The following CSMD1 variants were observed in gnomAD, a reference collection of about 807,000 sequenced individuals.
The protein encoded by CSMD1 is CUB and Sushi multiple domains 1, also known as CUB and sushi domain-containing protein 1.
Under a neutral mutation model 417.5 loss-of-function variants are expected in CSMD1, and 213 were observed. The ratio of observed to expected loss-of-function variants is 0.51; its 90% CI spans 0.46 to 0.57. CSMD1 has a LOEUF of 0.57. CSMD1 is among the 20% of genes least tolerant of loss of function. The pLI is 0.00. For synonymous variants in CSMD1, 2,862 were observed against 1,736.8 expected, an observed-to-expected ratio of 1.65 and a Z score of -16.11; for missense variants, 6,923 against 4,529.7, an observed-to-expected ratio of 1.53 and a Z score of -15.17.
At chr8:4,384,618 A>G (rs1803325207) in intron 3 of CSMD1, among the ~76,000 whole-genome samples, 1 of 151,182 alleles carries the variant, frequency 6.6e-6, no homozygotes, top group Admixed American at 6.6e-5. Flanking sequence ...ATAAAATAGA[A>G]GATTTTTTTT....
intron 23 of CSMD1, among the ~76,000 whole-genome samples, chr8:3,339,979 T>G (rs989437040): frequency 6.6e-6 from 1 of 152,224 alleles, no homozygotes; most frequent in Admixed American, 6.5e-5. Flanking sequence ...CAGAAAACAG[T>G]ACTTGCTTAA....
intron 18 of CSMD1, among the ~76,000 whole-genome samples, chr8:3,386,504 A>C (rs1306471029): frequency 6.6e-6 from 1 of 152,198 alleles, no homozygotes; most frequent in African/African-American, 2.4e-5. Context: ...CTTTGGTGAC[A>C]AAGGTCAAAG....
At chr8:3,922,751 G>T (rs546261079) in intron 5 of CSMD1, among the ~76,000 whole-genome samples, 1 of 151,964 alleles carries the variant, frequency 6.6e-6, no homozygotes, top group South Asian at 2.1e-4. Flanking sequence ...ACCAATTATT[G>T]TAGGTATGGT....
intron 10 of CSMD1, among the ~76,000 whole-genome samples, chr8:3,527,984 G>T (rs1224278144): frequency 6.6e-6 from 1 of 152,150 alleles, no homozygotes; most frequent in Non-Finnish European, 1.5e-5. Flanking sequence ...CCACACGCCA[G>T]TCGTACTTCT....
At chr8:4,891,279 G>C (rs960602637) in intron 1 of CSMD1, among the ~76,000 whole-genome samples, 3 of 152,076 alleles carry the variant, frequency 2.0e-5, no homozygotes, top group Admixed American at 6.6e-5. Context: ...GGTAAAACAA[G>C]AATACTCTTA....
intron 23 of CSMD1, among the ~76,000 whole-genome samples, chr8:3,315,433 A>AGTGTGT: frequency 2.2e-5 from 1 of 44,858 alleles, no homozygotes; most frequent in East Asian, 3.9e-4. Flanking sequence ...TTCTAGGTGA[A>AGTGTGT]GTGAGTGTGT....
chr8:3,859,487 C>T (rs955083195), intron 5 of CSMD1, among the ~76,000 whole-genome samples: 1 of 152,172 alleles, frequency 6.6e-6, no homozygotes, highest in South Asian at 2.1e-4. Context: ...AGAATCTTTG[C>T]CATACTTATA....
At chr8:4,041,819 AC>A (rs1457530017) in intron 3 of CSMD1, among the ~76,000 whole-genome samples, 11 of 152,206 alleles carry the variant, frequency 7.2e-5, no homozygotes, top group East Asian at 1.9e-4. Context: ...CCACAAAAAA[AC>A]AAAACAAACC....
At chr8:4,635,699 T>C (rs1329982409) in intron 2 of CSMD1, among the ~76,000 whole-genome samples, 1 of 152,126 alleles carries the variant, frequency 6.6e-6, no homozygotes, top group Non-Finnish European at 1.5e-5. Flanking sequence ...TATACCCTAG[T>C]AGCGTTGATA....
At chr8:4,974,569 G>A (rs1584940321) in intron 1 of CSMD1, among the ~76,000 whole-genome samples, 1 of 151,982 alleles carries the variant, frequency 6.6e-6, no homozygotes, top group Admixed American at 6.6e-5. Context: ...AAAAAAGATT[G>A]GAGTCGACGT....
At chr8:4,463,372 C>T (rs1195183580) in intron 2 of CSMD1, among the ~76,000 whole-genome samples, 5 of 152,118 alleles carry the variant, frequency 3.3e-5, no homozygotes, top group African/African-American at 4.8e-5. Flanking sequence ...TAAAATACTC[C>T]GGAAGTTCGA....
Position 4,289,145 on chromosome 8 carries a change from A to C in CSMD1, c.415+130808T>G, listed in dbSNP as rs183985491. On this transcript the variant is annotated intron_variant, in intron 3 of 69. Coordinates refer to ENST00000635120, the MANE Select transcript of CSMD1 (RefSeq NM_033225.6). ...GAATTAACTAGTTACAGTTCTTCTAACACCCGTTCTAAGACAGTGTATATT... is the reference window on the plus strand; with the variant it reads ...GAATTAACTAGTTACAGTTCTTCTACCACCCGTTCTAAGACAGTGTATATT... Among the ~76,000 whole-genome samples, 648 of 152,290 alleles carry C rather than the reference A, an allele frequency of 4.3e-3. 4 individuals are homozygous for C. Among genetic ancestry groups the C allele is most frequent in the African/African-American group, 0.015 (610 of 41,568 alleles).
chr8:3,221,474 G>C (rs1798209823), intron 28 of CSMD1, among the ~76,000 whole-genome samples: 1 of 152,182 alleles, frequency 6.6e-6, no homozygotes, highest in East Asian at 1.9e-4. Context: ...ATTTGGCTTA[G>C]TTAATTATCA....
At chr8:3,789,533 C>G (rs1436081756) in intron 5 of CSMD1, among the ~76,000 whole-genome samples, 1 of 146,682 alleles carries the variant, frequency 6.8e-6, no homozygotes, top group Non-Finnish European at 1.5e-5. Context: ...TATGCTAGTA[C>G]TTTAATACTC....
intron 7 of CSMD1, among the ~76,000 whole-genome samples, chr8:3,698,448 C>T (rs2449208): frequency 0.13 from 19,633 of 152,110 alleles, 1,611 homozygotes; most frequent in African/African-American, 0.24. Flanking sequence ...AGGTTAATGG[C>T]GCTATTATTT....
chr8:4,384,495 T>C (rs912669288), intron 3 of CSMD1, among the ~76,000 whole-genome samples: 2 of 152,216 alleles, frequency 1.3e-5, no homozygotes, highest in East Asian at 1.9e-4. Context: ...AATTTGTTGA[T>C]CAAATAGTTG....
chr8:4,815,716 A>AAAG (rs1203356419), intron 1 of CSMD1, among the ~76,000 whole-genome samples: 1 of 150,106 alleles, frequency 6.7e-6, no homozygotes, highest in South Asian at 2.1e-4. Flanking sequence ...AAAAAAAAAA[A>AAAG]AAGAAGAGAA....
chr8:3,912,323 C>T (rs1383627886), intron 5 of CSMD1, among the ~76,000 whole-genome samples: 4 of 152,152 alleles, frequency 2.6e-5, no homozygotes, highest in African/African-American at 9.7e-5. Flanking sequence ...TTGATACGTA[C>T]TAATCAATCT....
intron 1 of CSMD1, among the ~76,000 whole-genome samples, chr8:4,755,104 C>G (rs9644368): frequency 2.0e-5 from 3 of 152,204 alleles, no homozygotes; most frequent in South Asian, 4.1e-4. Flanking sequence ...TGCCACTGCA[C>G]TCCAGCCTGG....
Sources: allele counts gnomAD v4.1 joint callset (sites outside exome capture counted in the v4.1 genomes callset), GRCh38; gene constraint gnomAD v4.1.1; transcripts MANE v1.5; gene names NCBI Gene and HGNC (gene_info 2026-07-23, HGNC 2026-07-21).